Variants in KIF3B observed in about 807,000 individuals in gnomAD.
KIF3B encodes kinesin family member 3B.
Under a neutral mutation model 74.3 loss-of-function variants are expected in KIF3B, and 38 were observed. The ratio of observed to expected loss-of-function variants is 0.51; its 90% CI spans 0.39 to 0.67. The LOEUF (loss-of-function observed/expected upper bound fraction) is 0.67, where lower values mean the gene tolerates loss of function less well. KIF3B is among the 30% of genes least tolerant of loss of function. KIF3B has a pLI of 0.00. For missense variants in KIF3B, 649 were observed against 932.0 expected (o/e 0.70, Z 3.95); for synonymous variants, 326 against 342.5 (o/e 0.95, Z 0.53).
intron 2 of KIF3B, among the ~76,000 whole-genome samples, chr20:32,311,960 G>T (rs962064423): frequency 6.6e-6 from 1 of 151,640 alleles, no homozygotes; most frequent in East Asian, 1.9e-4. Flanking sequence ...CTGCCACCAC[G>T]CCCGGCTAAG....
chr20:32,310,908 G>A lies in KIF3B; in HGVS notation c.1131G>A (p.Arg377=), dbSNP rs1923098. Residue 377 remains arginine, a synonymous_variant, in exon 2 of 9, where the codon AGG becomes AGA. Coordinates refer to ENST00000375712, the MANE Select transcript of KIF3B (RefSeq NM_004798.4). This position sits in a 1 kb window ranked among gnomAD's most constrained non-coding sequence, Gnocchi z 6.5. Reference sequence around the variant, plus strand: ...TGGAAAAACGGTCCATTGGTAGGAGGAAGAGGCGAGAGAAGCGGAGGGAAG... The same window carrying A: ...TGGAAAAACGGTCCATTGGTAGGAGAAAGAGGCGAGAGAAGCGGAGGGAAG... ...AQLEKRSIGR[R]KRREKRREGG... 1.3e-6 allele frequency: 2 copies of A among 1,591,784 alleles called. No individual in the cohort carries two copies. The highest frequency in any genetic ancestry group is 2.7e-5 in the African/African-American group (2 of 74,240).
intron 5 of KIF3B, among the ~76,000 whole-genome samples, chr20:32,319,554 A>G (rs1197583194): frequency 7.2e-6 from 1 of 139,146 alleles, no homozygotes; most frequent in African/African-American, 2.6e-5. Flanking sequence ...ATATGTGTAT[A>G]TATATAGTTT....
intron 1 of KIF3B, among the ~76,000 whole-genome samples, chr20:32,294,031 AAGGTGATTTTGAGGATTAAAAGAGG>A (rs1415698556): frequency 6.6e-6 from 1 of 152,108 alleles, no homozygotes; most frequent in Non-Finnish European, 1.5e-5. Flanking sequence ...CCTTCCTCCC[AAGGTGATTTTGAGGATTAAAAGAGG>A]ACTCACATTA....
chr20:32,322,736 A>ATT (rs2047870610), intron 5 of KIF3B, among the ~76,000 whole-genome samples: 1 of 63,824 alleles, frequency 1.6e-5, no homozygotes, highest in Non-Finnish European at 2.4e-5. Context: ...ATTTATTTAT[A>ATT]TATATTTATT....
At chr20:32,306,984 C>T (rs1172570171) in intron 1 of KIF3B, among the ~76,000 whole-genome samples, 1 of 152,140 alleles carries the variant, frequency 6.6e-6, no homozygotes, top group Non-Finnish European at 1.5e-5. Context: ...ATACTTCTAA[C>T]AATATTGTAT....
rs1164604181 is a variant in KIF3B, at chr20:32,325,655, C to CT, written c.1749-1086dup. 6.4e-3 allele frequency among the ~76,000 whole-genome samples: 326 copies of CT among 51,120 alleles called. 32 individuals are homozygous for CT. Among genetic ancestry groups the CT allele is most frequent in the Middle Eastern group, 0.019 (1 of 52 alleles). 33.5% of individuals were successfully genotyped at this position (51,120 alleles called of 152,430 possible). On this transcript the variant is annotated intron_variant, in intron 5 of 8. Transcript: ENST00000375712. ...TTCATTATTATCTCTCTCTCTCTCTCTTTTTTTTTTTTTTTTTTTTTTTTT... is the reference window on the plus strand; with the variant it reads ...TTCATTATTATCTCTCTCTCTCTCTCTTTTTTTTTTTTTTTTTTTTTTTTTT...
chr20:32,282,687 T>C (rs2047649602), intron 1 of KIF3B, among the ~76,000 whole-genome samples: 1 of 152,214 alleles, frequency 6.6e-6, no homozygotes, highest in African/African-American at 2.4e-5. Flanking sequence ...GGATCTTGGC[T>C]GAGGGAGCCT....
intron 1 of KIF3B, among the ~76,000 whole-genome samples, chr20:32,289,804 A>G (rs2047683092): frequency 6.6e-6 from 1 of 152,286 alleles, no homozygotes; most frequent in South Asian, 2.1e-4. Context: ...GATTATTGAC[A>G]TTTAGGACAT....
chr20:32,312,448 A>G (rs1392831626), intron 2 of KIF3B, among the ~76,000 whole-genome samples: 1 of 152,062 alleles, frequency 6.6e-6, no homozygotes, highest in Non-Finnish European at 1.5e-5. Context: ...CCTCCCCAAC[A>G]GATAACCATC....
intron 2 of KIF3B, among the ~76,000 whole-genome samples, chr20:32,312,060 C>T (rs1261127468): frequency 6.6e-6 from 1 of 151,834 alleles, no homozygotes; most frequent in Non-Finnish European, 1.5e-5. Context: ...GTCTCAGCCT[C>T]CCCAAGTGCT....
rs57355936 is a variant in KIF3B, at chr20:32,278,921, CTTTT to C, written c.-66+1173_-66+1176del. Among the ~76,000 whole-genome samples, 38 of 118,400 alleles carry C rather than the reference CTTTT, an allele frequency of 3.2e-4. 1 individual carries two copies. Among genetic ancestry groups the C allele is most frequent in the East Asian group, 2.2e-3 (8 of 3,656 alleles). The allele number at this position is 118,400 out of a possible 152,430, so 77.7% of individuals were successfully genotyped here. A position where few individuals can be genotyped will look rare whatever the true frequency, so the allele number is the denominator to read the frequency against. On this transcript the variant is annotated intron_variant, in intron 1 of 8. Coordinates refer to ENST00000375712, the MANE Select transcript of KIF3B (RefSeq NM_004798.4). Reference sequence around the variant, plus strand: ...AAAGGGAAGGACCTGCTTAAGAATCCTTTTTTTTTTTTTTTTTTTTGAGACAGAG... The same window carrying C: ...AAAGGGAAGGACCTGCTTAAGAATCCTTTTTTTTTTTTTTTTGAGACAGAG...
At chr20:32,303,640 G>A (rs1285518961) in intron 1 of KIF3B, among the ~76,000 whole-genome samples, 1 of 151,808 alleles carries the variant, frequency 6.6e-6, no homozygotes, top group Admixed American at 6.6e-5. Context: ...GGCCAAGGCA[G>A]GTGGATCACC....
In KIF3B at chr20:32,332,412, G is replaced by T. The variant is rs1284900114; in HGVS notation, c.*1093G>T. On this transcript the variant is annotated 3_prime_UTR_variant, in exon 9 of 9. Transcript: ENST00000375712. ...GAAGACATAACAGATGGAAGCAAAGGAATCCTGCCTGCCTTCAGCAGAGAA... is the reference window on the plus strand; with the variant it reads ...GAAGACATAACAGATGGAAGCAAAGTAATCCTGCCTGCCTTCAGCAGAGAA... 1 of 152,302 alleles carries T rather than the reference G, an allele frequency of 6.6e-6. No individual in the cohort carries two copies. The highest frequency in any genetic ancestry group is 6.5e-5 in the Admixed American group (1 of 15,290). 9.4% of individuals were successfully genotyped at this position (152,302 alleles called of 1,614,324 possible).
chr20:32,316,099 C>T, intron 2 of KIF3B, 119 bp from the exon 3 acceptor site: 1 of 680,094 alleles, frequency 1.5e-6, no homozygotes, highest in African/African-American at 1.8e-5. Flanking sequence ...TATTTTTTCC[C>T]AGAGTTTGTC....
intron 1 of KIF3B, among the ~76,000 whole-genome samples, chr20:32,278,163 A>AC (rs11167160): frequency 0.68 from 104,089 of 151,970 alleles, 37,610 homozygotes; most frequent in East Asian, 0.99. Context: ...GGGTCCTAAC[A>AC]TTGCTGCTCA....
At position 32,334,473 on chromosome 20, in the gene KIF3B, C is replaced by G. The variant is rs574703715; in HGVS notation, c.*3154C>G. 3.1e-4 allele frequency: 48 copies of G among 152,692 alleles called. No individual in the cohort carries two copies. Among genetic ancestry groups the G allele is most frequent in the African/African-American group, 1.2e-3 (48 of 41,548 alleles). The allele number at this position is 152,692 out of a possible 1,614,324, so 9.5% of individuals were successfully genotyped here. A position where few individuals can be genotyped will look rare whatever the true frequency, so the allele number is the denominator to read the frequency against. ...TCCCTCACTGAATGTAGAATCGTTG[C>G]CAAGTTTCTGAGAAGTGTCGATTCC... On this transcript the variant is annotated 3_prime_UTR_variant, in exon 9 of 9. Transcript: ENST00000375712.
At chr20:32,292,485 C>A (rs1001806421) in intron 1 of KIF3B, among the ~76,000 whole-genome samples, 4 of 150,698 alleles carry the variant, frequency 2.7e-5, no homozygotes, top group Non-Finnish European at 4.4e-5. Flanking sequence ...TGCCTGTAAT[C>A]CTAGCACTTT....
At position 32,316,769 on chromosome 20, in the gene KIF3B, T is replaced by G; in HGVS notation, c.1643T>G (p.Leu548Arg). 1.2e-6 allele frequency: 2 copies of G among 1,614,068 alleles called. No homozygotes were observed. Among genetic ancestry groups the G allele is most frequent in the Non-Finnish European group, 1.7e-6 (2 of 1,179,970 alleles). The stretch of plus-strand genomic sequence containing the variant: ...CCCTCATTCCAGCTCTTCTCCAAGC[T>G]TCAGGCAGTGAAGGCTGAGATCCAT... Reference protein sequence around the residue: ...TKKLKKLFSKLQAVKAEIHDL... With the variant: ...TKKLKKLFSKRQAVKAEIHDL... The change falls in exon 5 of 9, where the codon CTT (leucine) becomes CGT (arginine). Residue 548 changes from leucine (L) to arginine (R), a missense_variant. By Grantham distance (102) the Leu-to-Arg change is moderately radical. Transcript: ENST00000375712.
intron 1 of KIF3B, among the ~76,000 whole-genome samples, chr20:32,286,405 A>G (rs1302897444): frequency 6.6e-6 from 1 of 152,248 alleles, no homozygotes; most frequent in Non-Finnish European, 1.5e-5. Flanking sequence ...CCATCTAGGT[A>G]AGATAAAATA....
Sources: allele counts gnomAD v4.1 joint callset (sites outside exome capture counted in the v4.1 genomes callset), GRCh38; gene constraint gnomAD v4.1.1; non-coding constraint Gnocchi (gnomAD v3.1); transcripts MANE v1.5; gene names NCBI Gene and HGNC (gene_info 2026-07-23, HGNC 2026-07-21).